Variants in RIT2 observed in about 807,000 individuals in gnomAD.
RIT2 encodes Ras like without CAAX 2.
Under a neutral mutation model 23.7 loss-of-function variants are expected in RIT2, and 24 were observed. That is an observed-to-expected ratio of 1.01 (90% CI 0.73 to 1.43). The LOEUF is 1.43. Among genes scored for constraint, RIT2 ranks in the 40% most tolerant of loss-of-function variants. RIT2 has a pLI of 0.00. For missense variants in RIT2, 236 were observed against 266.9 expected (o/e 0.88, Z 0.81); for synonymous variants, 107 against 91.1 (o/e 1.17, Z -0.99).
At chr18:43,072,939 C>T (rs1037497464) in intron 1 of RIT2, among the ~76,000 whole-genome samples, 1 of 152,150 alleles carries the variant, frequency 6.6e-6, no homozygotes, top group African/African-American at 2.4e-5. Flanking sequence ...CCTCAAGCTG[C>T]CTTACACACT....
chr18:42,827,960 C>T lies in RIT2; in HGVS notation c.427-84240G>A, dbSNP rs559813400. On this transcript the variant is annotated intron_variant, in intron 4 of 4. Transcript: ENST00000326695. ...GCGGAGCTTGCAGTGAATGAGATCG[C>T]GCCACTGCACTGCAGCCTGGGCAAC... is the stretch of plus-strand genomic sequence containing the variant. Among the ~76,000 whole-genome samples the T allele has an allele frequency of 1.4e-3, 192 of 139,716 alleles. 1 individual carries two copies. The highest frequency in any genetic ancestry group is 4.5e-3 in the East Asian group (21 of 4,690). The allele number at this position is 139,716 out of a possible 152,430, so 91.7% of individuals were successfully genotyped here.
At chr18:43,089,752 C>T (rs867538751) in intron 1 of RIT2, among the ~76,000 whole-genome samples, 12 of 151,916 alleles carry the variant, frequency 7.9e-5, no homozygotes, top group African/African-American at 2.7e-4. Context: ...ACAACTATCT[C>T]ATCTTTGGCA....
chr18:43,088,835 C>T (rs1913350174), intron 1 of RIT2, among the ~76,000 whole-genome samples: 1 of 151,914 alleles, frequency 6.6e-6, no homozygotes, highest in South Asian at 2.1e-4. Flanking sequence ...CTCCTTTATG[C>T]AATATTTGTT....
At chr18:43,081,143 A>C (rs905394038) in intron 1 of RIT2, among the ~76,000 whole-genome samples, 3 of 152,206 alleles carry the variant, frequency 2.0e-5, no homozygotes, top group Non-Finnish European at 4.4e-5. Context: ...TTACACATAT[A>C]GATCTATTAA....
At chr18:42,985,934 T>C (rs1187922592) in intron 2 of RIT2, among the ~76,000 whole-genome samples, 1 of 152,080 alleles carries the variant, frequency 6.6e-6, no homozygotes, top group Non-Finnish European at 1.5e-5. Context: ...AAAAACATTG[T>C]TCATCGAAAG....
At chr18:42,774,867 G>T (rs1295429830) in intron 4 of RIT2, among the ~76,000 whole-genome samples, 1 of 151,912 alleles carries the variant, frequency 6.6e-6, no homozygotes, top group African/African-American at 2.4e-5. Flanking sequence ...GCACGACCAT[G>T]ACCACATATA....
intron 1 of RIT2, among the ~76,000 whole-genome samples, chr18:43,085,829 G>A (rs1913270456): frequency 6.6e-6 from 1 of 152,048 alleles, no homozygotes; most frequent in African/African-American, 2.4e-5. Context: ...GAATCATGGG[G>A]GCAGTTTCCC....
intron 4 of RIT2, among the ~76,000 whole-genome samples, chr18:42,860,417 C>T (rs150565063): frequency 2.0e-5 from 3 of 152,150 alleles, no homozygotes; most frequent in Non-Finnish European, 4.4e-5. Flanking sequence ...TTGTTGCAAG[C>T]ATTTGGTTAA....
intron 4 of RIT2, among the ~76,000 whole-genome samples, chr18:42,896,707 T>C (rs1414971090): frequency 2.0e-5 from 3 of 152,248 alleles, no homozygotes; most frequent in Non-Finnish European, 2.9e-5. Flanking sequence ...CTGGAGGAAC[T>C]GATTTATCAG....
intron 4 of RIT2, among the ~76,000 whole-genome samples, chr18:42,781,556 A>G (rs972783809): frequency 1.3e-5 from 2 of 152,160 alleles, no homozygotes; most frequent in African/African-American, 4.8e-5. Flanking sequence ...ATTGTGCTCC[A>G]CACATCTGTC....
rs201223384 is a variant in RIT2, at chr18:42,797,511, AT to A, written c.427-53792del. Among the ~76,000 whole-genome samples the A allele has an allele frequency of 9.7e-3, 1,469 of 152,142 alleles. 30 individuals carry two copies. The highest frequency in any genetic ancestry group is 0.034 in the African/African-American group (1,397 of 41,522). ...AGTTTAATTTATAGTTTTTTATTTT[AT>A]TTTGTTAAAAGTAATTATTTGCAAA... On this transcript the variant is annotated intron_variant, in intron 4 of 4. Transcript: ENST00000326695.
intron 2 of RIT2, among the ~76,000 whole-genome samples, chr18:42,978,290 C>A (rs551469588): frequency 6.7e-6 from 1 of 148,616 alleles, no homozygotes; most frequent in South Asian, 2.1e-4. Context: ...TAAAGCCAGA[C>A]CTTTTATCCA....
chr18:42,884,233 G>T (rs1363095169), intron 4 of RIT2, among the ~76,000 whole-genome samples: 4 of 152,108 alleles, frequency 2.6e-5, no homozygotes, highest in Non-Finnish European at 2.9e-5. Flanking sequence ...TATATTCTAA[G>T]GTTGCTTGTC....
intron 4 of RIT2, among the ~76,000 whole-genome samples, chr18:42,844,078 C>G (rs1281746577): frequency 6.6e-6 from 1 of 152,206 alleles, no homozygotes; most frequent in Non-Finnish European, 1.5e-5. Flanking sequence ...CTACCATGCT[C>G]AACCCCTTGT....
chr18:42,779,884 A>G (rs1913765471), intron 4 of RIT2, among the ~76,000 whole-genome samples: 1 of 152,068 alleles, frequency 6.6e-6, no homozygotes, highest in African/African-American at 2.4e-5. Context: ...CTTAATATCC[A>G]AGGATCTTGG....
intron 4 of RIT2, among the ~76,000 whole-genome samples, chr18:42,765,955 C>T (rs1913411630): frequency 6.6e-6 from 1 of 152,054 alleles, no homozygotes; most frequent in Admixed American, 6.6e-5. Context: ...TTTCTCTTGC[C>T]ACCACCACGT....
At chr18:42,952,760 C>G (rs1394742456) in intron 3 of RIT2, among the ~76,000 whole-genome samples, 1 of 151,914 alleles carries the variant, frequency 6.6e-6, no homozygotes, top group East Asian at 1.9e-4. Context: ...CATACACATT[C>G]AGATATATAT....
chr18:42,788,862 A>G (rs761382778), intron 4 of RIT2, among the ~76,000 whole-genome samples: 3 of 152,176 alleles, frequency 2.0e-5, no homozygotes, highest in Non-Finnish European at 4.4e-5. Context: ...ATGCCACTCA[A>G]TTGCCCAAGT....
chr18:42,940,839 C>T (rs1909583914), intron 3 of RIT2, among the ~76,000 whole-genome samples: 1 of 152,096 alleles, frequency 6.6e-6, no homozygotes, highest in South Asian at 2.1e-4. Flanking sequence ...TTCTGATGTA[C>T]ATTCCAAAAT....
Sources: gnomAD v4.1 joint callset for allele counts (sites outside exome capture counted in the v4.1 genomes callset) on GRCh38, gnomAD v4.1.1 for gene constraint, MANE v1.5 for transcripts, NCBI Gene and HGNC (gene_info 2026-07-23, HGNC 2026-07-21) for gene names.